Variants in CIMAP1A observed in about 807,000 individuals in gnomAD.
CIMAP1A encodes the protein ciliary microtubule associated protein 1A, also known as cancer/testis antigen 135.
the CIMAP1A span, chr11:196,952 G>A: frequency 5.6e-6 from 1 of 177,576 alleles, no homozygotes; most frequent in East Asian, 1.6e-4. Context: ...CCCCCTCCCT[G>A]CCCCTCAGCT....
the CIMAP1A span, chr11:197,587 C>G: frequency 1.2e-6 from 2 of 1,613,356 alleles, no homozygotes; most frequent in Non-Finnish European, 1.7e-6. Context: ...GCCCACCAAG[C>G]TGCGTGCACC....
chr11:197,936 G>A, the CIMAP1A span: 1 of 1,506,148 alleles, frequency 6.6e-7, no homozygotes, highest in Non-Finnish European at 8.9e-7. Context: ...AGAAGACTCT[G>A]GCCCAAGAGT....
the CIMAP1A span, chr11:197,370 C>A: frequency 1.3e-6 from 2 of 1,598,998 alleles, no homozygotes; most frequent in African/African-American, 1.3e-5. Flanking sequence ...TCATGGCCCT[C>A]TACAGCAGCC....
At chr11:198,147 G>A in the CIMAP1A span, 2 of 1,588,086 alleles carry the variant, frequency 1.3e-6, no homozygotes, top group Non-Finnish European at 8.6e-7. Context: ...CCCCCAAACT[G>A]GGCTGCATAC....
chr11:197,163 C>T, the CIMAP1A span: 182 of 481,540 alleles, frequency 3.8e-4, no homozygotes, highest in Middle Eastern at 2.6e-3. Flanking sequence ...AGCTGGAGAT[C>T]CCCACTGATG....
At chr11:198,236 C>G in the CIMAP1A span, 13 of 1,613,882 alleles carry the variant, frequency 8.1e-6, no homozygotes, top group Non-Finnish European at 1.0e-5. Context: ...AGTACGTGTT[C>G]GACTCAGCAC....
the CIMAP1A span, chr11:197,351 G>C: frequency 6.3e-7 from 1 of 1,596,240 alleles, no homozygotes; most frequent in Non-Finnish European, 8.5e-7. Context: ...CATCGCCCCC[G>C]GGGACCCATC....
the CIMAP1A span, chr11:198,714 G>A: frequency 6.7e-7 from 1 of 1,485,208 alleles, no homozygotes; most frequent in Non-Finnish European, 8.9e-7. Flanking sequence ...TTCACCCTCT[G>A]GGCACCTGCC....
chr11:198,028 G>A, the CIMAP1A span: 1 of 1,539,208 alleles, frequency 6.5e-7, no homozygotes, highest in African/African-American at 1.4e-5. Flanking sequence ...TGTCTCACCA[G>A]CCCTGAAGTC....
chr11:199,380 C>A, the CIMAP1A span: 2 of 1,572,198 alleles, frequency 1.3e-6, no homozygotes, highest in East Asian at 4.7e-5. Context: ...CCCCAGGTCC[C>A]GCAGCCTACC....
At chr11:197,313 G>C in the CIMAP1A span, 1 of 1,579,334 alleles carries the variant, frequency 6.3e-7, no homozygotes, top group Non-Finnish European at 8.6e-7. Flanking sequence ...CCATGACGGA[G>C]GAGGTATGGA....
chr11:197,133 G>T, the CIMAP1A span: 1 of 558,862 alleles, frequency 1.8e-6, no homozygotes, highest in Non-Finnish European at 3.2e-6. Flanking sequence ...AGCTCCTACT[G>T]TCCCTGACTC....
the CIMAP1A span, chr11:197,621 C>G: frequency 6.2e-7 from 1 of 1,613,526 alleles, no homozygotes; most frequent in South Asian, 1.1e-5. Context: ...CGTGGGGCCC[C>G]CATGCTCCTG....
the CIMAP1A span, chr11:198,648 C>G: frequency 6.5e-6 from 10 of 1,548,448 alleles, no homozygotes; most frequent in Non-Finnish European, 7.9e-6. Context: ...TCCCCCGGAA[C>G]CCAGGACCCA....
At chr11:198,921 G>A in the CIMAP1A span, 21 of 1,210,814 alleles carry the variant, frequency 1.7e-5, no homozygotes, top group Non-Finnish European at 2.2e-5. Flanking sequence ...AGCTATTTGG[G>A]GGAGGAGGGT....
the CIMAP1A span, chr11:198,051 C>T: frequency 6.5e-7 from 1 of 1,542,528 alleles, no homozygotes; most frequent in Non-Finnish European, 8.7e-7. Flanking sequence ...CATTTCCATC[C>T]TGGACACCCC....
the CIMAP1A span, chr11:198,994 C>G: frequency 8.4e-7 from 1 of 1,185,040 alleles, no homozygotes; most frequent in South Asian, 2.3e-5. Flanking sequence ...GCTTGAGGGG[C>G]CTGAGATGGG....
the CIMAP1A span, chr11:198,887 A>G: frequency 7.9e-7 from 1 of 1,266,060 alleles, no homozygotes; most frequent in South Asian, 2.2e-5. Context: ...TGGAAAGAAG[A>G]GGAGGAGGAA....
chr11:199,650 G>A, the CIMAP1A span: 2 of 1,424,238 alleles, frequency 1.4e-6, no homozygotes, highest in Non-Finnish European at 1.8e-6. Context: ...CAGCCAAGAA[G>A]GGGTGGAGGG....
Sources: allele counts gnomAD v4.1 joint callset, GRCh38; gene constraint gnomAD v4.1.1; transcripts MANE v1.5; gene names NCBI Gene and HGNC (gene_info 2026-07-23, HGNC 2026-07-21).